Variants in ANK1 observed in about 807,000 individuals in gnomAD.
ANK1 encodes the protein ankyrin-1.
In ANK1, 51 loss-of-function variants were observed where a neutral mutation model predicts 210.4. The observed-to-expected ratio is 0.24, with a 90% CI of 0.19 to 0.31. The LOEUF (loss-of-function observed/expected upper bound fraction) is 0.31. Ranked by LOEUF, ANK1 falls within the 10% of genes least tolerant of loss-of-function variation. The pLI is 1.00. For missense variants in ANK1, 2,051 were observed against 2,504.4 expected (o/e 0.82, Z 3.86); for synonymous variants, 967 against 1,025.9 (o/e 0.94, Z 1.10).
At chr8:41,685,894 C>A (rs1418699021) in intron 36 of ANK1, among the ~76,000 whole-genome samples, 2 of 152,238 alleles carry the variant, frequency 1.3e-5, no homozygotes, top group Non-Finnish European at 2.9e-5. Context: ...GGACTACAGG[C>A]ATGAGCCACT....
intron 1 of ANK1, among the ~76,000 whole-genome samples, chr8:41,884,304 C>T (rs561337088): frequency 3.3e-5 from 5 of 152,252 alleles, no homozygotes; most frequent in East Asian, 3.9e-4. Flanking sequence ...GCCAAGAACA[C>T]GCCATTGCAC....
At position 41,672,465 on chromosome 8, in the gene ANK1, G is replaced by C; in HGVS notation, c.4985C>G (p.Ala1662Gly). 6.2e-7 allele frequency: 1 copy of C among 1,614,212 alleles called. No individual in the cohort carries two copies. Among genetic ancestry groups the C allele is most frequent in the Non-Finnish European group, 8.5e-7 (1 of 1,180,034 alleles). The stretch of plus-strand genomic sequence containing the variant: ...CACTTCATTCTCTGAGTCCTGCCCT[G>C]CACCTGTCGCGTCATCCTGCCTCTT... ...GSKRQDDATG[A>G]GQDSENEVSL... Residue 1662 changes from alanine (A) to glycine (G), a missense_variant, in exon 38 of 43, where the codon GCA becomes GGA. Coordinates refer to ENST00000289734, the MANE Select transcript of ANK1 (RefSeq NM_000037.4).
intron 2 of ANK1, among the ~76,000 whole-genome samples, chr8:41,744,369 T>C (rs1273517452): frequency 6.6e-6 from 1 of 152,180 alleles, no homozygotes; most frequent in African/African-American, 2.4e-5. Context: ...ATTAATGGGC[T>C]ATTAATGTCA....
chr8:41,784,594 T>C (rs1272384549), intron 1 of ANK1, among the ~76,000 whole-genome samples: 1 of 152,240 alleles, frequency 6.6e-6, no homozygotes, highest in Non-Finnish European at 1.5e-5. Flanking sequence ...CTTTTTATCA[T>C]GCATGTATAA....
rs139375455 is a variant in ANK1, at chr8:41,704,438, T to C, written c.2132A>G (p.Tyr711Cys). The C allele has an allele frequency of 1.7e-4, 270 of 1,614,130 alleles. 1 individual carries two copies. The African/African-American group carries it at 3.2e-3, about 19-fold the overall frequency. Residue 711 changes from tyrosine (Y) to cysteine (C), a missense_variant, in exon 19 of 43, where the codon TAT becomes TGT. By Grantham distance (194) the Tyr-to-Cys change is radical. Coordinates refer to ENST00000289734, the MANE Select transcript of ANK1 (RefSeq NM_000037.4). The surrounding 1 kb of genome is among the most constrained non-coding windows in gnomAD (Gnocchi z 4.1). ...GYTPLHVASH[Y>C]GNIKLVKFLL... ...AAACTTCACCAGCTTGATGTTTCCA[T>C]AGTGACTGGCCACATGGAGGGGAGT...
intron 1 of ANK1, among the ~76,000 whole-genome samples, chr8:41,889,090 C>A (rs1818954624): frequency 6.6e-6 from 1 of 152,230 alleles, no homozygotes; most frequent in Non-Finnish European, 1.5e-5. Flanking sequence ...ATCCTCCCAT[C>A]TCGGCTCCCA....
At chr8:41,814,359 C>CAAAAA (rs34734381) in intron 1 of ANK1, among the ~76,000 whole-genome samples, 1 of 124,432 alleles carries the variant, frequency 8.0e-6, no homozygotes. Flanking sequence ...GACTCCATCT[C>CAAAAA]AAAAAAAAAA....
chr8:41,663,114 C>CTCTGTG lies in ANK1; in HGVS notation c.5478+544_5478+545insCACAGA, dbSNP rs1554517870. Among the ~76,000 whole-genome samples, 474 of 145,234 alleles carry CTCTGTG rather than the reference C, an allele frequency of 3.3e-3. 2 individuals are homozygous for CTCTGTG. The highest frequency in any genetic ancestry group is 0.016 in the South Asian group (71 of 4,450). Reference sequence around the variant, plus strand: ...TGTGTGTGTGTCTCTCTCTCTCTCTCTGTGTGTGTGTGTGTGTGTGTGTGT... The same window carrying CTCTGTG: ...TGTGTGTGTGTCTCTCTCTCTCTCTCTCTGTGTGTGTGTGTGTGTGTGTGTGTGTGT... On this transcript the variant is annotated intron_variant, in intron 40 of 42. Transcript: ENST00000289734.
At chr8:41,874,747 T>A (rs1816243380) in intron 1 of ANK1, among the ~76,000 whole-genome samples, 1 of 152,180 alleles carries the variant, frequency 6.6e-6, no homozygotes, top group Non-Finnish European at 1.5e-5. Flanking sequence ...CAACTGAGAA[T>A]TGTGCTTTCT....
chr8:41,711,407 T>C (rs1000833305), intron 16 of ANK1, among the ~76,000 whole-genome samples: 12 of 152,168 alleles, frequency 7.9e-5, no homozygotes, highest in Admixed American at 2.0e-4. Flanking sequence ...TTTCGGAGTT[T>C]AGGCGCAACT....
chr8:41,767,271 C>T (rs1586812511), intron 1 of ANK1, among the ~76,000 whole-genome samples: 1 of 151,736 alleles, frequency 6.6e-6, no homozygotes, highest in Non-Finnish European at 1.5e-5. Context: ...CGCAGAGCCC[C>T]GGCCCCGGCC....
intron 1 of ANK1, among the ~76,000 whole-genome samples, chr8:41,860,325 T>G (rs1216310109): frequency 1.3e-5 from 2 of 152,180 alleles, no homozygotes; most frequent in African/African-American, 4.8e-5. Flanking sequence ...TTTGGCAGAT[T>G]CCACTGCTGG....
rs745881099 is a variant in ANK1 at position 41,692,750 on chromosome 8, T to C, written c.3756A>G (p.Arg1252=). 1 of 1,614,078 alleles carries C rather than the reference T, an allele frequency of 6.2e-7. No homozygotes were observed. Among genetic ancestry groups the C allele is most frequent in the Admixed American group, 1.7e-5 (1 of 60,020 alleles). The part of the protein sequence containing the change: ...FVIFAKMNDP[R]EGRLRCYCMT... ...TGCAGTAGCAGCGCAGGCGCCCCTC[T>C]CGGGGGTCATTCATCTTGGCAAAGA... is the stretch of plus-strand genomic sequence containing the variant. Residue 1252 remains arginine (R), a synonymous_variant, in exon 31 of 43, where the codon CGA becomes CGG. Transcript: ENST00000289734.
At chr8:41,754,348 A>C (rs1838543687) in intron 2 of ANK1, among the ~76,000 whole-genome samples, 1 of 152,250 alleles carries the variant, frequency 6.6e-6, no homozygotes, top group Non-Finnish European at 1.5e-5. Context: ...TAGACATGGT[A>C]ATGATAATGA....
At chr8:41,693,010 G>C in intron 30 of ANK1, 95 bp downstream of exon 30, 1 of 1,513,542 alleles carries the variant, frequency 6.6e-7, no homozygotes, top group Non-Finnish European at 9.2e-7. Flanking sequence ...TCCACATGGA[G>C]GGGACAGTGA....
intron 1 of ANK1, among the ~76,000 whole-genome samples, chr8:41,811,635 C>G (rs551240546): frequency 3.2e-4 from 49 of 152,340 alleles, no homozygotes; most frequent in Non-Finnish European, 1.8e-4. Context: ...TTCCACCAGT[C>G]TTTGTGCTGC....
intron 33 of ANK1, among the ~76,000 whole-genome samples, chr8:41,689,298 T>TTC (rs1313540870): frequency 6.7e-6 from 1 of 149,846 alleles, no homozygotes; most frequent in African/African-American, 2.4e-5. Context: ...AATTTTTCAT[T>TTC]TTTTTTTTTT....
intron 1 of ANK1, among the ~76,000 whole-genome samples, chr8:41,861,142 G>A (rs1813191406): frequency 6.6e-6 from 1 of 152,162 alleles, no homozygotes; most frequent in Non-Finnish European, 1.5e-5. Context: ...ACAGGCCTGT[G>A]GATACCAGAC....
intron 1 of ANK1, among the ~76,000 whole-genome samples, chr8:41,882,859 G>A (rs1031356205): frequency 2.0e-5 from 3 of 152,346 alleles, no homozygotes; most frequent in Admixed American, 6.5e-5. Flanking sequence ...GGCTGTGCCC[G>A]TGACCTTGAA....
Sources: gnomAD v4.1 joint callset for allele counts (sites outside exome capture counted in the v4.1 genomes callset) on GRCh38, gnomAD v4.1.1 for gene constraint, Gnocchi (gnomAD v3.1) non-coding constraint, MANE v1.5 for transcripts, NCBI Gene and HGNC (gene_info 2026-07-23, HGNC 2026-07-21) for gene names.